The following OPCML variants were observed in gnomAD, a reference collection of about 807,000 sequenced individuals.
OPCML encodes the protein opioid binding protein/cell adhesion molecule like, also known as opioid-binding protein/cell adhesion molecule.
OPCML carries 13 observed loss-of-function variants against 37.8 expected under a neutral mutation model. The ratio of observed to expected loss-of-function variants is 0.34; its 90% CI spans 0.22 to 0.55. The LOEUF is 0.55. Among genes scored for constraint, OPCML ranks in the 20% least tolerant of loss-of-function variants. The probability of loss-of-function intolerance (pLI) is 0.91; values close to 1 mark genes in which losing one functional copy is unlikely to be tolerated. For synonymous variants in OPCML, 176 were observed against 168.8 expected (o/e 1.04, Z -0.33); for missense variants, 341 against 435.6 (o/e 0.78, Z 1.93).
chr11:133,124,148 T>C (rs926290899), intron 1 of OPCML, among the ~76,000 whole-genome samples: 2 of 148,992 alleles, frequency 1.3e-5, no homozygotes, highest in Non-Finnish European at 3.0e-5. Flanking sequence ...TCTCCCATAC[T>C]TAAGCCATAC....
intron 2 of OPCML, among the ~76,000 whole-genome samples, chr11:132,784,537 C>T (rs1040411975): frequency 6.6e-6 from 1 of 152,050 alleles, no homozygotes; most frequent in Non-Finnish European, 1.5e-5. Flanking sequence ...AGTAAACAGT[C>T]GCTGCTTGCT....
At chr11:132,901,704 C>T (rs1944068734) in intron 2 of OPCML, among the ~76,000 whole-genome samples, 3 of 152,186 alleles carry the variant, frequency 2.0e-5, no homozygotes, top group Admixed American at 6.5e-5. Context: ...TTCACCTTGC[C>T]TCTCTATATT....
At chr11:132,875,863 TGGAAA>T (rs2136410730) in intron 2 of OPCML, among the ~76,000 whole-genome samples, 1 of 152,294 alleles carries the variant, frequency 6.6e-6, no homozygotes, top group African/African-American at 2.4e-5. Context: ...GTTGTTTTGC[TGGAAA>T]GGTTAAGTTA....
intron 1 of OPCML, among the ~76,000 whole-genome samples, chr11:133,450,375 A>G (rs1946557411): frequency 6.6e-6 from 1 of 151,610 alleles, no homozygotes; most frequent in Non-Finnish European, 1.5e-5. Flanking sequence ...CCAGCAATCA[A>G]TGACACATCG....
intron 2 of OPCML, among the ~76,000 whole-genome samples, chr11:132,775,957 C>T (rs1039284165): frequency 5.9e-5 from 9 of 152,120 alleles, no homozygotes; most frequent in African/African-American, 1.9e-4. Context: ...TTTTAGACAG[C>T]GTCTTGTTCT....
chr11:132,422,107 G>T (rs946363379), intron 7 of OPCML, among the ~76,000 whole-genome samples: 4 of 151,854 alleles, frequency 2.6e-5, no homozygotes, highest in Non-Finnish European at 4.4e-5. Flanking sequence ...GACTAGTTTT[G>T]TATGTGTATA....
At chr11:133,531,053 G>T (rs1423056294) in intron 1 of OPCML, among the ~76,000 whole-genome samples, 2 of 152,188 alleles carry the variant, frequency 1.3e-5, no homozygotes, top group African/African-American at 4.8e-5. Flanking sequence ...TTAGGTTTAA[G>T]CTAATGTTTA....
rs71067383 is a variant in OPCML, at chr11:132,638,186, T to TATATATATATATATATATATAC, written c.379+18900_379+18901insGTATATATATATATATATATAT. Among the ~76,000 whole-genome samples the TATATATATATATATATATATAC allele has an allele frequency of 9.7e-3, 1,271 of 130,626 alleles. 28 individuals are homozygous for TATATATATATATATATATATAC. The highest frequency in any genetic ancestry group is 0.021 in the South Asian group (78 of 3,784). The allele number at this position is 130,626 out of a possible 152,430, so 85.7% of individuals were successfully genotyped here. On this transcript the variant is annotated intron_variant, in intron 3 of 7. Transcript: ENST00000524381. ...GACTATATATATATATATATATATA[T>TATATATATATATATATATATAC]ACAGAGAGAGAGAGAGCATATATAC...
chr11:133,310,078 T>TA (rs1440835502), intron 1 of OPCML, among the ~76,000 whole-genome samples: 1 of 152,160 alleles, frequency 6.6e-6, no homozygotes, highest in Non-Finnish European at 1.5e-5. Flanking sequence ...CGAAGATGGA[T>TA]AAAATCGTAG....
intron 1 of OPCML, among the ~76,000 whole-genome samples, chr11:133,309,566 A>G (rs1943018168): frequency 6.6e-6 from 1 of 152,238 alleles, no homozygotes; most frequent in African/African-American, 2.4e-5. Context: ...ACAGAACTGA[A>G]CATGGCATTT....
intron 2 of OPCML, among the ~76,000 whole-genome samples, chr11:132,659,325 T>C (rs145301174): frequency 0.017 from 2,528 of 152,282 alleles, 34 homozygotes; most frequent in Non-Finnish European, 0.027. Context: ...CAGTTGCAAA[T>C]GACTGATAAG....
At chr11:133,470,407 C>T (rs989911799) in intron 1 of OPCML, among the ~76,000 whole-genome samples, 3 of 152,144 alleles carry the variant, frequency 2.0e-5, no homozygotes, top group Non-Finnish European at 2.9e-5. Context: ...GTGGAGAAAG[C>T]CCCCAGAGAG....
intron 1 of OPCML, among the ~76,000 whole-genome samples, chr11:133,283,959 C>T (rs1942230707): frequency 1.3e-5 from 2 of 152,120 alleles, no homozygotes; most frequent in Admixed American, 1.3e-4. Flanking sequence ...CCCCCCAGTA[C>T]CTAAAAGTCA....
In OPCML at chr11:133,421,416, T is replaced by C. The variant is rs560811148; in HGVS notation, c.61+110848A>G. 4.1e-5 allele frequency: 40 copies of C among 985,456 alleles called. 1 individual carries two copies. The South Asian group carries it at 1.6e-3, about 41-fold the overall frequency. The allele number at this position is 985,456 out of a possible 1,614,324, so 61.0% of individuals were successfully genotyped here. On this transcript the variant is annotated intron_variant, in intron 1 of 7. Transcript: ENST00000524381. Reference sequence around the variant, plus strand: ...AGAAGAGAAATCAGGCATTTCGTTGTGTATGTTTCTCACTAGTTGCTCTTG... The same window carrying C: ...AGAAGAGAAATCAGGCATTTCGTTGCGTATGTTTCTCACTAGTTGCTCTTG...
intron 1 of OPCML, among the ~76,000 whole-genome samples, chr11:132,985,231 T>C (rs1258335465): frequency 1.3e-5 from 2 of 152,174 alleles, no homozygotes; most frequent in African/African-American, 2.4e-5. Flanking sequence ...TAGGAGTTAG[T>C]AAGGCACTCT....
chr11:133,390,294 C>A (rs1472433988), intron 1 of OPCML, among the ~76,000 whole-genome samples: 1 of 151,252 alleles, frequency 6.6e-6, no homozygotes, highest in Non-Finnish European at 1.5e-5. Flanking sequence ...CCCGTCTCTA[C>A]TAAAAATACA....
intron 1 of OPCML, among the ~76,000 whole-genome samples, chr11:133,513,952 GA>G (rs1565677140): frequency 1.3e-5 from 2 of 152,050 alleles, no homozygotes; most frequent in Non-Finnish European, 2.9e-5. Flanking sequence ...TTGAATACAG[GA>G]AAAAAATCAT....
intron 1 of OPCML, among the ~76,000 whole-genome samples, chr11:133,464,827 A>G (rs912303938): frequency 3.3e-5 from 5 of 152,082 alleles, no homozygotes; most frequent in Admixed American, 3.3e-4. Flanking sequence ...GGTCTGAGAG[A>G]TATTCAGGAC....
intron 2 of OPCML, among the ~76,000 whole-genome samples, chr11:132,880,411 C>G (rs1943184966): frequency 6.6e-6 from 1 of 152,068 alleles, no homozygotes; most frequent in Non-Finnish European, 1.5e-5. Flanking sequence ...TTATTTTCCC[C>G]TATTATAATA....
Sources: allele counts gnomAD v4.1 joint callset (sites outside exome capture counted in the v4.1 genomes callset), GRCh38; gene constraint gnomAD v4.1.1; transcripts MANE v1.5; gene names NCBI Gene and HGNC (gene_info 2026-07-23, HGNC 2026-07-21).